Variants in TUBG1 observed in about 807,000 individuals in gnomAD.
TUBG1 encodes the protein tubulin gamma-1 chain.
TUBG1 carries 22 observed loss-of-function variants against 53.3 expected under a neutral mutation model. That is an observed-to-expected ratio of 0.41 (90% CI 0.29 to 0.59). TUBG1 has a LOEUF of 0.59. Ranked by LOEUF, TUBG1 falls within the 20% of genes least tolerant of loss-of-function variation. The pLI, the probability that TUBG1 is intolerant of heterozygous loss-of-function variation, is 0.26. For missense variants in TUBG1, 217 were observed against 598.9 expected, an observed-to-expected ratio of 0.36 and a Z score of 6.66; for synonymous variants, 198 against 236.7, an observed-to-expected ratio of 0.84 and a Z score of 1.50.
chr17:42,611,729 G>A lies in TUBG1; in HGVS notation c.331-346G>A, dbSNP rs138757960. 5.3e-5 allele frequency among the ~76,000 whole-genome samples: 8 copies of A among 152,284 alleles called. No homozygotes were observed. In the East Asian group the frequency reaches 1.3e-3, roughly 26 times the overall value. On this transcript the variant is annotated intron_variant, in intron 3 of 10. Coordinates refer to ENST00000251413, the MANE Select transcript of TUBG1 (RefSeq NM_001070.5). Reference sequence around the variant, plus strand: ...AAAATAGCTGGGCATGGTGGCATGCGCCTATAATCCCAGCTACTGGGGAGG... The same window carrying A: ...AAAATAGCTGGGCATGGTGGCATGCACCTATAATCCCAGCTACTGGGGAGG...
intron 6 of TUBG1, among the ~76,000 whole-genome samples, chr17:42,613,279 A>G (rs1264336651): frequency 6.6e-6 from 1 of 152,110 alleles, no homozygotes; most frequent in African/African-American, 2.4e-5. Flanking sequence ...GCGAAACCCC[A>G]TCTCTACTAA....
At position 42,614,654 on chromosome 17, in the gene TUBG1, C is replaced by T. The variant is rs763062456; in HGVS notation, c.1155C>T (p.Ser385=). 5.6e-6 allele frequency: 9 copies of T among 1,613,990 alleles called. No homozygotes were observed. In the South Asian group the frequency reaches 7.7e-5, roughly 14 times the overall value. The change falls in exon 10 of 11, where the codon TCC becomes TCT. Residue 385 remains serine (S), a synonymous_variant. Coordinates refer to ENST00000251413, the MANE Select transcript of TUBG1 (RefSeq NM_001070.5). The surrounding 1 kb of genome is among the most constrained non-coding windows in gnomAD (Gnocchi z 5.1). ...GLMMANHTSI[S]SLFERTCRQY... is the part of the protein sequence containing the mutation. ...TGATGGCCAACCACACCAGCATCTC[C>T]TCGGTGAGTCTCAAAGTTTGCACCT...
rs375389391 is a variant in TUBG1, at chr17:42,609,717, A to C, written c.-21A>C. The C allele has an allele frequency of 6.5e-7, 1 of 1,545,508 alleles. No homozygotes were observed. Among genetic ancestry groups the C allele is most frequent in the Non-Finnish European group, 8.7e-7 (1 of 1,144,430 alleles). ...CGCCGTTGCGGGCGGGAGCGGCTGC[A>C]ACGCCGGTGCCTGAGGAGCGATGCC... On this transcript the variant is annotated 5_prime_UTR_variant, in exon 1 of 11. Coordinates refer to ENST00000251413, the MANE Select transcript of TUBG1 (RefSeq NM_001070.5).
intron 3 of TUBG1, chr17:42,610,916 G>A: frequency 3.6e-6 from 1 of 274,726 alleles, no homozygotes. Context: ...TAGTTTATCA[G>A]CAAAAACAAA....
intron 6 of TUBG1, 146 bp downstream of exon 6, chr17:42,613,219 G>A (rs2052050041): frequency 3.0e-6 from 4 of 1,332,582 alleles, no homozygotes; most frequent in Non-Finnish European, 4.1e-6. Flanking sequence ...GGAGGCCAAG[G>A]TCGTTGGATC....
chr17:42,614,923 T>A lies in TUBG1; in HGVS notation c.1238T>A (p.Met413Lys). ...AFLEQFRKED[M>K]FKDNFDEMDT... ...CTGGAGCAGTTCCGCAAGGAGGACA[T>A]GTTCAAGGACAACTTTGATGAGATG... is the stretch of plus-strand genomic sequence containing the variant. The change falls in exon 11 of 11, where the codon ATG becomes AAG. Residue 413 changes from methionine to lysine, a missense_variant. This residue lies in a region of TUBG1 where 135 missense variants were observed against 371.2 expected (regional missense o/e 0.36). Coordinates refer to ENST00000251413, the MANE Select transcript of TUBG1 (RefSeq NM_001070.5). The surrounding 1 kb of genome is among the most constrained non-coding windows in gnomAD (Gnocchi z 5.1). 1 of 1,614,230 alleles carries A rather than the reference T, an allele frequency of 6.2e-7. No homozygotes were observed. The highest frequency in any genetic ancestry group is 1.1e-5 in the South Asian group (1 of 91,090).
At position 42,609,831 on chromosome 17, in the gene TUBG1, C is replaced by A. The variant is rs1469512082; in HGVS notation, c.49+45C>A. ...CTCAGCTAGCCAGGTTCCTTAGGGT[C>A]AATGGGATCTCGCTGTGGGATCCTG... On this transcript the variant is annotated intron_variant, in intron 1 of 10. Coordinates refer to ENST00000251413, the MANE Select transcript of TUBG1 (RefSeq NM_001070.5). The A allele has an allele frequency of 3.9e-6, 6 of 1,539,686 alleles. No individual in the cohort carries two copies. The African/African-American group carries it at 6.9e-5, about 18-fold the overall frequency.
At position 42,613,552 on chromosome 17, in the gene TUBG1, A is replaced by G. The variant is rs556633608; in HGVS notation, c.607-95A>G. ...TTTCCAGTGAGTCTTTCTGGCCATG[A>G]AGCTCAAAGGAAATTAAGCTTCAGA... On this transcript the variant is annotated intron_variant, in intron 6 of 10. Transcript: ENST00000251413. The G allele has an allele frequency of 1.9e-6, 3 of 1,585,100 alleles. No homozygotes were observed. In the African/African-American group the frequency reaches 4.0e-5, roughly 21 times the overall value.
chr17:42,609,956 G>C, intron 1 of TUBG1, 152 bp from the exon 2 acceptor site: 1 of 1,280,884 alleles, frequency 7.8e-7, no homozygotes, highest in Non-Finnish European at 1.1e-6. Context: ...CCCCTGCCCA[G>C]TCCCTGGCGT....
At chr17:42,611,342 G>C (rs1054215382) in intron 3 of TUBG1, 1 of 151,954 alleles carries the variant, frequency 6.6e-6, no homozygotes, top group Non-Finnish European at 1.5e-5. Flanking sequence ...TTTGATTAAC[G>C]TGCTTCTGAT....
Position 42,614,696 on chromosome 17 carries a change from T to C in TUBG1, c.1158+39T>C. ...TTTGCACCTTTTTTCCCTGAATCAGTTTCCTGACTATACCTCACCTCTCTG... is the reference window on the plus strand; with the variant it reads ...TTTGCACCTTTTTTCCCTGAATCAGCTTCCTGACTATACCTCACCTCTCTG... On this transcript the variant is annotated intron_variant, in intron 10 of 10. Transcript: ENST00000251413. The surrounding 1 kb of genome is among the most constrained non-coding windows in gnomAD (Gnocchi z 5.1). 3.1e-6 allele frequency: 5 copies of C among 1,612,002 alleles called. No homozygotes were observed. Among genetic ancestry groups the C allele is most frequent in the Non-Finnish European group, 4.2e-6 (5 of 1,178,522 alleles).
intron 3 of TUBG1, chr17:42,610,971 T>G (rs1289526362): frequency 6.1e-6 from 1 of 164,922 alleles, no homozygotes; most frequent in African/African-American, 2.4e-5. Context: ...TTTTTAATTT[T>G]TATTTATTTA....
intron 3 of TUBG1, 151 bp downstream of exon 3, chr17:42,610,741 C>T (rs999942050): frequency 1.8e-6 from 2 of 1,111,024 alleles, no homozygotes; most frequent in Admixed American, 2.7e-5. Context: ...TATTGTCAAG[C>T]GCCTACACTA....
At position 42,610,145 on chromosome 17, in the gene TUBG1, T is replaced by C; in HGVS notation, c.87T>C (p.His29=). The C allele has an allele frequency of 6.2e-7, 1 of 1,614,158 alleles. No individual in the cohort carries two copies. The highest frequency in any genetic ancestry group is 8.5e-7 in the Non-Finnish European group (1 of 1,180,018). ...FEFWKQLCAE[H]GISPEGIVEE... ...TCTGGAAACAGCTGTGCGCCGAGCA[T>C]GGTATCAGCCCCGAGGGCATCGTGG... The change falls in exon 2 of 11, where the codon CAT becomes CAC. Residue 29 remains histidine, a synonymous_variant. Transcript: ENST00000251413.
Position 42,609,715 on chromosome 17 carries a change from G to A in TUBG1, c.-23G>A, listed in dbSNP as rs1263605166. 6 of 1,544,732 alleles carry A rather than the reference G, an allele frequency of 3.9e-6. No homozygotes were observed. In the African/African-American group the frequency reaches 8.2e-5, roughly 21 times the overall value. On this transcript the variant is annotated 5_prime_UTR_variant, in exon 1 of 11. Transcript: ENST00000251413. ...GGCGCCGTTGCGGGCGGGAGCGGCTGCAACGCCGGTGCCTGAGGAGCGATG... is the reference window on the plus strand; with the variant it reads ...GGCGCCGTTGCGGGCGGGAGCGGCTACAACGCCGGTGCCTGAGGAGCGATG...
At chr17:42,613,514 C>G (rs2052052147) in intron 6 of TUBG1, 133 bp from the exon 7 acceptor site, 1 of 1,324,580 alleles carries the variant, frequency 7.5e-7, no homozygotes, top group Non-Finnish European at 1.1e-6. Flanking sequence ...TGCCCTAGGT[C>G]AGTGCAAATC....
chr17:42,610,684 A>G, intron 3 of TUBG1, 94 bp downstream of exon 3: 2 of 1,569,760 alleles, frequency 1.3e-6, no homozygotes, highest in South Asian at 2.3e-5. Context: ...TCAGGGATGT[A>G]TGAATGCTGG....
At chr17:42,612,377 G>A in intron 4 of TUBG1, 50 bp from the exon 5 acceptor site, 1 of 1,585,082 alleles carries the variant, frequency 6.3e-7, no homozygotes, top group Non-Finnish European at 8.6e-7. Flanking sequence ...GGTCTAGTTT[G>A]ACATCCTGCC....
Position 42,612,080 on chromosome 17 carries a change from A to C in TUBG1, c.336A>C (p.Glu112Asp), listed in dbSNP as rs761610033. 4 of 1,613,994 alleles carry C rather than the reference A, an allele frequency of 2.5e-6. No homozygotes were observed. Among genetic ancestry groups the C allele is most frequent in the Non-Finnish European group, 3.4e-6 (4 of 1,179,980 alleles). Residue 112 changes from glutamate (E) to aspartate (D), a missense_variant, in exon 4 of 11, where the codon GAA becomes GAC. Glu to Asp is a conservative substitution (Grantham distance 45). This residue lies in a region of TUBG1 where 57 missense variants were observed against 169.3 expected (regional missense o/e 0.34). Coordinates refer to ENST00000251413, the MANE Select transcript of TUBG1 (RefSeq NM_001070.5). ...CCTCCCCTATGTCTGTACAGGGAGAAAAGATCCATGAGGACATTTTTGACA... is the reference window on the plus strand; with the variant it reads ...CCTCCCCTATGTCTGTACAGGGAGACAAGATCCATGAGGACATTTTTGACA... ...NNWASGFSQG[E>D]KIHEDIFDII... is the part of the protein sequence containing the mutation.
Sources: allele counts gnomAD v4.1 joint callset (sites outside exome capture counted in the v4.1 genomes callset), GRCh38; gene constraint gnomAD v4.1.1; regional missense constraint gnomAD v4.1.1; non-coding constraint Gnocchi (gnomAD v3.1); transcripts MANE v1.5; gene names NCBI Gene and HGNC (gene_info 2026-07-23, HGNC 2026-07-21).